The following SERPINI1 variants were observed in gnomAD, a reference collection of about 807,000 sequenced individuals.
SERPINI1 encodes neuroserpin.
Under a neutral mutation model 41.1 loss-of-function variants are expected in SERPINI1, and 19 were observed. The ratio of observed to expected loss-of-function variants is 0.46; its 90% CI spans 0.32 to 0.68. SERPINI1 has a LOEUF of 0.68. Among genes scored for constraint, SERPINI1 ranks in the 30% least tolerant of loss-of-function variants. The pLI, the probability that SERPINI1 is intolerant of heterozygous loss-of-function variation, is 0.03. For synonymous variants in SERPINI1, 138 were observed against 156.6 expected (o/e 0.88, Z 0.89); for missense variants, 460 against 479.2 (o/e 0.96, Z 0.37).
intron 1 of SERPINI1, among the ~76,000 whole-genome samples, chr3:167,763,748 G>T (rs1726465046): frequency 6.6e-6 from 1 of 152,114 alleles, no homozygotes; most frequent in Non-Finnish European, 1.5e-5. Context: ...CAAGAGTTTG[G>T]TGATGTAACC....
At chr3:167,803,318 A>C (rs1342045107) in intron 5 of SERPINI1, among the ~76,000 whole-genome samples, 2 of 152,080 alleles carry the variant, frequency 1.3e-5, no homozygotes, top group South Asian at 2.1e-4. Flanking sequence ...TAAATAAGAC[A>C]ATAGATTTGG....
intron 1 of SERPINI1, among the ~76,000 whole-genome samples, chr3:167,744,670 A>G (rs1725793914): frequency 9.4e-6 from 1 of 106,350 alleles, no homozygotes; most frequent in East Asian, 2.3e-4. Flanking sequence ...ATAAAAATAT[A>G]TATATAAATA....
At chr3:167,744,771 AT>A (rs1232866311) in intron 1 of SERPINI1, among the ~76,000 whole-genome samples, 11 of 71,376 alleles carry the variant, frequency 1.5e-4, no homozygotes, top group South Asian at 2.8e-4. Flanking sequence ...TTAAATATAT[AT>A]TATATATAAC....
Position 167,824,357 on chromosome 3 carries a change from G to A in SERPINI1, c.1067-116G>A. 5 of 723,812 alleles carry A rather than the reference G, an allele frequency of 6.9e-6. No individual in the cohort carries two copies. The South Asian group carries it at 9.0e-5, about 13-fold the overall frequency. 44.8% of individuals were successfully genotyped at this position (723,812 alleles called of 1,614,324 possible). The stretch of plus-strand genomic sequence containing the variant: ...TCTCCAGTTAAGTCTTTAAAATCTT[G>A]TTTCCTGTAAATTGTTGTCTTTGCA... On this transcript the variant is annotated intron_variant, in intron 7 of 8. Transcript: ENST00000446050.
chr3:167,817,146 G>A (rs2108572235), intron 6 of SERPINI1, among the ~76,000 whole-genome samples: 1 of 152,176 alleles, frequency 6.6e-6, no homozygotes, highest in East Asian at 1.9e-4. Context: ...TGAACTGGAG[G>A]CAGTCAGGAG....
At chr3:167,809,900 A>G (rs994251846) in intron 6 of SERPINI1, among the ~76,000 whole-genome samples, 3 of 152,100 alleles carry the variant, frequency 2.0e-5, no homozygotes, top group Non-Finnish European at 4.4e-5. Context: ...ATACCACCCC[A>G]TTCAGGTTTT....
At chr3:167,782,705 C>G (rs919781548) in intron 1 of SERPINI1, among the ~76,000 whole-genome samples, 10 of 152,016 alleles carry the variant, frequency 6.6e-5, no homozygotes, top group African/African-American at 2.4e-4. Flanking sequence ...TAAAAATTTG[C>G]CAAGATTTCA....
intron 7 of SERPINI1, among the ~76,000 whole-genome samples, chr3:167,823,889 AT>A: frequency 2.0e-5 from 3 of 152,180 alleles, no homozygotes; most frequent in Non-Finnish European, 4.4e-5. Flanking sequence ...AGTATATATC[AT>A]CTTATAATGA....
At chr3:167,772,823 A>ACTCTCT (rs1172788769) in intron 1 of SERPINI1, among the ~76,000 whole-genome samples, 361 of 23,466 alleles carry the variant, frequency 0.015, 22 homozygotes, top group Non-Finnish European at 0.021. Flanking sequence ...GTATCTTGAG[A>ACTCTCT]CTCTCTCTCT....
intron 5 of SERPINI1, among the ~76,000 whole-genome samples, chr3:167,795,670 G>A (rs145306641): frequency 6.6e-6 from 1 of 152,164 alleles, no homozygotes; most frequent in East Asian, 1.9e-4. Context: ...ACACCTTTCT[G>A]TTATTACTTG....
intron 1 of SERPINI1, among the ~76,000 whole-genome samples, chr3:167,765,428 C>A (rs62278334): frequency 0.058 from 8,767 of 152,310 alleles, 298 homozygotes; most frequent in Admixed American, 0.087. Context: ...CCCCTTTCAG[C>A]CACAGCTGGA....
chr3:167,790,290 C>T, intron 2 of SERPINI1, 82 bp from the exon 3 acceptor site: 1 of 1,039,234 alleles, frequency 9.6e-7, no homozygotes, highest in Non-Finnish European at 1.5e-6. Flanking sequence ...ATCTCCCTTG[C>T]TGTGCTTTAA....
intron 6 of SERPINI1, among the ~76,000 whole-genome samples, chr3:167,810,173 G>A (rs541522733): frequency 2.0e-5 from 3 of 151,800 alleles, no homozygotes; most frequent in Non-Finnish European, 1.5e-5. Context: ...ATTTATTTGA[G>A]CACCATATGC....
intron 1 of SERPINI1, among the ~76,000 whole-genome samples, chr3:167,744,740 A>G (rs1459763174): frequency 8.0e-6 from 1 of 124,602 alleles, no homozygotes; most frequent in Non-Finnish European, 1.6e-5. Flanking sequence ...TATATATATT[A>G]TATATAACTA....
chr3:167,762,135 C>A (rs1726403226), intron 1 of SERPINI1, among the ~76,000 whole-genome samples: 1 of 152,144 alleles, frequency 6.6e-6, no homozygotes, highest in South Asian at 2.1e-4. Flanking sequence ...CTCACTACCA[C>A]TTGTTTCCAC....
chr3:167,821,780 T>G (rs1712338096), intron 6 of SERPINI1, among the ~76,000 whole-genome samples: 8 of 152,222 alleles, frequency 5.3e-5, no homozygotes, highest in Admixed American at 5.2e-4. Flanking sequence ...CAAACATATA[T>G]ACATACATAA....
rs868675806 is a variant in SERPINI1 at position 167,744,847 on chromosome 3, C to T, written c.-19+9024C>T. ...TATATAATATATATATTATATATAACTATAGTTATATATATATATAAATAT... is the reference window on the plus strand; with the variant it reads ...TATATAATATATATATTATATATAATTATAGTTATATATATATATAAATAT... On this transcript the variant is annotated intron_variant, in intron 1 of 8. Coordinates refer to ENST00000446050, the MANE Select transcript of SERPINI1 (RefSeq NM_001122752.2). Among the ~76,000 whole-genome samples the T allele has an allele frequency of 3.8e-5, 4 of 104,368 alleles. No homozygotes were observed. The Admixed American group carries it at 4.1e-4, about 11-fold the overall frequency. The allele number at this position is 104,368 out of a possible 152,430, so 68.5% of individuals were successfully genotyped here. A position where few individuals can be genotyped will look rare whatever the true frequency, so the allele number is the denominator to read the frequency against.
At chr3:167,777,402 G>A (rs1315848822) in intron 1 of SERPINI1, among the ~76,000 whole-genome samples, 1 of 152,132 alleles carries the variant, frequency 6.6e-6, no homozygotes, top group Non-Finnish European at 1.5e-5. Context: ...GATGGGAAGA[G>A]GATTGACCAG....
Position 167,762,748 on chromosome 3 carries a change from T to C in SERPINI1, c.-18-26363T>C, listed in dbSNP as rs758231046. 2.6e-4 allele frequency among the ~76,000 whole-genome samples: 39 copies of C among 152,326 alleles called. No individual in the cohort carries two copies. The Middle Eastern group carries it at 0.01, about 40-fold the overall frequency. ...GCGATACTCCCTCTCACCTCCTTAC[T>C]TTCTTATCCCCTTTCACTGAGGTTT... On this transcript the variant is annotated intron_variant, in intron 1 of 8. Coordinates refer to ENST00000446050, the MANE Select transcript of SERPINI1 (RefSeq NM_001122752.2).
Sources: gnomAD v4.1 joint callset for allele counts (sites outside exome capture counted in the v4.1 genomes callset) on GRCh38, gnomAD v4.1.1 for gene constraint, MANE v1.5 for transcripts, NCBI Gene and HGNC (gene_info 2026-07-23, HGNC 2026-07-21) for gene names.